Variants in REPS2 observed in about 807,000 individuals in gnomAD.
The protein encoded by REPS2 is ralBP1-associated Eps domain-containing protein 2.
REPS2 carries 23 observed loss-of-function variants against 53.6 expected under a neutral mutation model. The ratio of observed to expected loss-of-function variants is 0.43; its 90% CI spans 0.31 to 0.61. REPS2 has a LOEUF of 0.61. Ranked by LOEUF, REPS2 falls within the 20% of genes least tolerant of loss-of-function variation. The probability of loss-of-function intolerance (pLI) is 0.11; values close to 1 mark genes in which losing one functional copy is unlikely to be tolerated. For missense variants in REPS2, 446 were observed against 534.9 expected (o/e 0.83, Z 1.64); for synonymous variants, 238 against 218.6 (o/e 1.09, Z -0.78).
chrX:17,183,276 C>T, the REPS2 span, among the ~76,000 whole-genome samples: 4 of 112,182 alleles, frequency 3.6e-5, no homozygotes, highest in Non-Finnish European at 5.6e-5. Flanking sequence ...ATGAGGAAAA[C>T]TTCATATGCC....
intron 6 of REPS2, among the ~76,000 whole-genome samples, chrX:17,049,200 A>T (rs892540718): frequency 7.1e-5 from 8 of 112,272 alleles, no homozygotes; most frequent in Non-Finnish European, 1.3e-4. Flanking sequence ...GCCTTTTATT[A>T]TGCTATACTT....
intron 2 of REPS2, among the ~76,000 whole-genome samples, chrX:17,010,840 A>G (rs754986024): frequency 1.8e-5 from 2 of 111,454 alleles, no homozygotes; most frequent in African/African-American, 6.5e-5. Context: ...TTAGGCACTG[A>G]TTTTCAACCT....
intron 2 of REPS2, among the ~76,000 whole-genome samples, chrX:17,013,131 C>G (rs981512459): frequency 1.8e-5 from 2 of 112,320 alleles, no homozygotes; most frequent in African/African-American, 6.5e-5. Flanking sequence ...TGCCTGGCAT[C>G]TAGCCGGTAG....
downstream of REPS2, among the ~76,000 whole-genome samples, chrX:17,154,790 GTCTAGC>G (rs1261041407): frequency 8.9e-6 from 1 of 112,689 alleles, no homozygotes; most frequent in Admixed American, 9.4e-5. Flanking sequence ...AGGAAATGTA[GTCTAGC>G]TGTGAGCTCC....
chrX:17,038,937 C>A (rs1488333416), intron 5 of REPS2, among the ~76,000 whole-genome samples: 1 of 112,157 alleles, frequency 8.9e-6, no homozygotes. Context: ...CCAAGTCTGT[C>A]TGCCTCTGGA....
downstream of REPS2, among the ~76,000 whole-genome samples, chrX:17,158,000 T>A (rs778890409): frequency 8.9e-6 from 1 of 112,015 alleles, no homozygotes; most frequent in African/African-American, 3.2e-5. Flanking sequence ...CAGCCCTAAC[T>A]TATTGCCATG....
At chrX:17,096,795 C>G (rs1050504406) in intron 13 of REPS2, among the ~76,000 whole-genome samples, 3 of 110,554 alleles carry the variant, frequency 2.7e-5, no homozygotes, top group African/African-American at 6.6e-5. Flanking sequence ...AACATAAACT[C>G]GAAGACTGGA....
chrX:17,000,283 A>G (rs2061290849), intron 1 of REPS2, among the ~76,000 whole-genome samples: 1 of 111,029 alleles, frequency 9.0e-6, no homozygotes, highest in Middle Eastern at 4.2e-3. Flanking sequence ...TTCTCATGGA[A>G]GTGTTCACTA....
At chrX:17,026,222 G>A (rs943300661) in intron 4 of REPS2, among the ~76,000 whole-genome samples, 1 of 111,700 alleles carries the variant, frequency 9.0e-6, no homozygotes, top group African/African-American at 3.3e-5. Context: ...TTAAAATGGA[G>A]TAACAGTATC....
At chrX:17,036,548 G>A (rs2061767573) in intron 5 of REPS2, among the ~76,000 whole-genome samples, 1 of 111,746 alleles carries the variant, frequency 8.9e-6, no homozygotes, top group African/African-American at 3.3e-5. Flanking sequence ...GCTGGCACCT[G>A]AGGCTCTCGA....
At chrX:17,055,732 G>T (rs1242854287) in intron 8 of REPS2, among the ~76,000 whole-genome samples, 1 of 100,836 alleles carries the variant, frequency 9.9e-6, no homozygotes, top group South Asian at 4.9e-4. Context: ...GTAAACTATC[G>T]CAAGAACAAA....
downstream of REPS2, among the ~76,000 whole-genome samples, chrX:17,156,595 A>C (rs769855409): frequency 1.8e-5 from 2 of 111,077 alleles, no homozygotes; most frequent in South Asian, 7.7e-4. Flanking sequence ...AACATTTTCT[A>C]CAGAGAATAC....
intron 13 of REPS2, chrX:17,100,253 A>G: frequency 3.5e-6 from 2 of 572,027 alleles, no homozygotes; most frequent in Non-Finnish European, 6.2e-6. Flanking sequence ...TTTTTCCACC[A>G]CATATTCCTG....
intron 14 of REPS2, among the ~76,000 whole-genome samples, chrX:17,119,802 G>GTT (rs2063115251): frequency 9.3e-6 from 1 of 107,135 alleles, no homozygotes; most frequent in Non-Finnish European, 1.9e-5. Flanking sequence ...AGTTATGGTG[G>GTT]TTTTCTAGGT....
intron 1 of REPS2, among the ~76,000 whole-genome samples, chrX:16,981,442 G>A (rs1602584826): frequency 1.8e-5 from 2 of 112,824 alleles, no homozygotes; most frequent in African/African-American, 6.4e-5. Flanking sequence ...AATTTGCTGT[G>A]ATATGATAGG....
At chrX:17,126,227 G>T (rs775614042) in intron 14 of REPS2, among the ~76,000 whole-genome samples, 8 of 111,210 alleles carry the variant, frequency 7.2e-5, no homozygotes, top group Non-Finnish European at 1.3e-4. Context: ...CCCCCTTCTG[G>T]CCAGGCAGCA....
intron 5 of REPS2, among the ~76,000 whole-genome samples, chrX:17,044,960 G>A (rs1342564238): frequency 7.2e-5 from 8 of 111,353 alleles, no homozygotes; most frequent in South Asian, 3.8e-4. Context: ...ACGGAGTTTC[G>A]CTCTTGTTGC....
intron 8 of REPS2, among the ~76,000 whole-genome samples, chrX:17,056,307 G>A (rs193180312): frequency 2.9e-4 from 33 of 112,583 alleles, no homozygotes; most frequent in Admixed American, 2.9e-3. Flanking sequence ...GTAGAGCCAA[G>A]TGTTAACTTG....
At chrX:17,193,092 T>G in the REPS2 span, among the ~76,000 whole-genome samples, 1 of 112,686 alleles carries the variant, frequency 8.9e-6, no homozygotes, top group Non-Finnish European at 1.9e-5. Flanking sequence ...GGTGGGCATA[T>G]GCATGCATTT....
Sources: allele counts gnomAD v4.1 joint callset (sites outside exome capture counted in the v4.1 genomes callset), GRCh38; gene constraint gnomAD v4.1.1; transcripts MANE v1.5; gene names NCBI Gene and HGNC (gene_info 2026-07-23, HGNC 2026-07-21).